The following GPHN variants were observed in gnomAD, a reference collection of about 807,000 sequenced individuals.
GPHN encodes gephyrin.
In GPHN, 17 loss-of-function variants were observed where a neutral mutation model predicts 95.5. The observed-to-expected ratio is 0.18, with a 90% CI of 0.12 to 0.27. GPHN has a LOEUF of 0.27. Ranked by LOEUF, GPHN falls within the 10% of genes least tolerant of loss-of-function variation. GPHN has a pLI of 1.00. For synonymous variants in GPHN, 320 were observed against 322.5 expected, an observed-to-expected ratio of 0.99 and a Z score of 0.08; for missense variants, 660 against 978.1, an observed-to-expected ratio of 0.67 and a Z score of 4.34.
At chr14:66,784,472 C>T (rs918900275) in intron 3 of GPHN, among the ~76,000 whole-genome samples, 2 of 152,098 alleles carry the variant, frequency 1.3e-5, no homozygotes, top group South Asian at 4.1e-4. Context: ...AAGGAGAAAA[C>T]AGCAGAATGG....
chr14:67,404,195 G>A, the GPHN span, among the ~76,000 whole-genome samples: 1 of 152,162 alleles, frequency 6.6e-6, no homozygotes, highest in African/African-American at 2.4e-5. Context: ...TAGCTGCAGT[G>A]CAAGAATTCC....
At chr14:67,623,714 G>C in the GPHN span, among the ~76,000 whole-genome samples, 1 of 151,878 alleles carries the variant, frequency 6.6e-6, no homozygotes, top group Admixed American at 6.6e-5. Context: ...ACTAATTTTT[G>C]TATTTTTAGT....
the GPHN span, among the ~76,000 whole-genome samples, chr14:67,215,219 T>A: frequency 3.3e-5 from 5 of 152,160 alleles, no homozygotes; most frequent in African/African-American, 1.2e-4. Flanking sequence ...TCTGCTTTTA[T>A]AGCTGTGGAA....
the GPHN span, among the ~76,000 whole-genome samples, chr14:67,686,727 T>C: frequency 6.6e-6 from 1 of 151,950 alleles, no homozygotes; most frequent in Admixed American, 6.6e-5. Flanking sequence ...CAATCCTTTA[T>C]GGAAAACGCT....
the GPHN span, among the ~76,000 whole-genome samples, chr14:67,257,185 A>G: frequency 1.3e-5 from 2 of 152,172 alleles, no homozygotes; most frequent in African/African-American, 4.8e-5. Context: ...TCAGTCTTTC[A>G]CTGAATACAC....
the GPHN span, among the ~76,000 whole-genome samples, chr14:67,361,990 T>A: frequency 2.0e-5 from 3 of 152,048 alleles, no homozygotes; most frequent in Non-Finnish European, 2.9e-5. Context: ...TATACTTAAT[T>A]ACTTAGGTAA....
chr14:67,568,762 A>G, the GPHN span, among the ~76,000 whole-genome samples: 281 of 152,210 alleles, frequency 1.8e-3, 3 homozygotes, highest in African/African-American at 6.5e-3. Flanking sequence ...TTGAGACCCA[A>G]GGGTCTCTAA....
At chr14:67,349,210 CAATT>C in the GPHN span, 8 of 1,074,590 alleles carry the variant, frequency 7.4e-6, 1 homozygote, top group Admixed American at 1.5e-4. Flanking sequence ...TGAGATGTCA[CAATT>C]AAGTATGTTT....
chr14:66,612,736 C>T (rs960130492), intron 1 of GPHN, among the ~76,000 whole-genome samples: 1 of 152,124 alleles, frequency 6.6e-6, no homozygotes, highest in African/African-American at 2.4e-5. Context: ...TCTTCCCACC[C>T]TCATAGGACG....
At chr14:67,485,572 GC>G in the GPHN span, among the ~76,000 whole-genome samples, 1 of 152,230 alleles carries the variant, frequency 6.6e-6, no homozygotes, top group Non-Finnish European at 1.5e-5. Flanking sequence ...GATTGCAAAA[GC>G]CCAGCTCTGC....
At chr14:66,667,768 G>A (rs1308677679) in intron 1 of GPHN, among the ~76,000 whole-genome samples, 1 of 152,078 alleles carries the variant, frequency 6.6e-6, no homozygotes, top group Non-Finnish European at 1.5e-5. Context: ...CAAAAGTGTC[G>A]AAAGCAATTA....
At chr14:67,594,759 G>A in the GPHN span, among the ~76,000 whole-genome samples, 1 of 152,026 alleles carries the variant, frequency 6.6e-6, no homozygotes, top group Non-Finnish European at 1.5e-5. Context: ...TTAATATTTA[G>A]TTCTAGCACT....
At chr14:66,681,035 T>G in intron 1 of GPHN, 72 bp from the exon 2 acceptor site, 1 of 858,384 alleles carries the variant, frequency 1.2e-6, no homozygotes, top group Non-Finnish European at 1.9e-6. Flanking sequence ...CAAAATGTCT[T>G]TTGGTCAGCA....
At chr14:67,566,609 A>G in the GPHN span, among the ~76,000 whole-genome samples, 3 of 152,138 alleles carry the variant, frequency 2.0e-5, no homozygotes, top group Non-Finnish European at 2.9e-5. Flanking sequence ...TTAGCTGAGC[A>G]TGGTGGCACA....
intron 18 of GPHN, among the ~76,000 whole-genome samples, chr14:67,151,520 A>G (rs564561315): frequency 6.6e-6 from 1 of 152,356 alleles, no homozygotes; most frequent in African/African-American, 2.4e-5. Flanking sequence ...GCAGAAACAA[A>G]AACAGAACCA....
At chr14:66,727,115 C>G (rs900392719) in intron 2 of GPHN, among the ~76,000 whole-genome samples, 1 of 152,146 alleles carries the variant, frequency 6.6e-6, no homozygotes, top group Non-Finnish European at 1.5e-5. Flanking sequence ...CTCACAAGAT[C>G]TGATGGTTTT....
chr14:67,406,550 T>C, the GPHN span, among the ~76,000 whole-genome samples: 1 of 152,276 alleles, frequency 6.6e-6, no homozygotes, highest in Non-Finnish European at 1.5e-5. Flanking sequence ...TGGCAAGGGC[T>C]TCAGGTTCTG....
Position 66,992,317 on chromosome 14 carries a change from A to G in GPHN, c.963+26992A>G, listed in dbSNP as rs2071487344. Among the ~76,000 whole-genome samples, 9 of 152,286 alleles carry G rather than the reference A, an allele frequency of 5.9e-5. No homozygotes were observed. In the South Asian group the frequency reaches 1.4e-3, roughly 25 times the overall value. On this transcript the variant is annotated intron_variant, in intron 9 of 22. Coordinates refer to ENST00000478722, the MANE Select transcript of GPHN (RefSeq NM_020806.5). ...GTGATGAAATGGAAGGAATATGACA[A>G]TTATCTATAAGTACTTAACTATACT...
chr14:67,431,391 C>CAAAAAAAAAAAAAAAAAAAAAAAAAAA, the GPHN span, among the ~76,000 whole-genome samples: 1 of 77,470 alleles, frequency 1.3e-5, no homozygotes, highest in Non-Finnish European at 2.8e-5. Context: ...GACTCTGTCT[C>CAAAAAAAAAAAAAAAAAAAAAAAAAAA]AAAAAAAAAA....
Sources: allele counts gnomAD v4.1 joint callset (sites outside exome capture counted in the v4.1 genomes callset), GRCh38; gene constraint gnomAD v4.1.1; transcripts MANE v1.5; gene names NCBI Gene and HGNC (gene_info 2026-07-23, HGNC 2026-07-21).